The following FBXL13 variants were observed in gnomAD, a reference collection of about 807,000 sequenced individuals.
The protein encoded by FBXL13 is F-box and leucine rich repeat protein 13, also known as F-box and leucine-rich repeat protein 13.
In FBXL13, 67 loss-of-function variants were observed where a neutral mutation model predicts 83.6. The observed-to-expected ratio is 0.80, with a 90% CI of 0.66 to 0.98. FBXL13 has a LOEUF of 0.98. FBXL13 is among the 50% of genes least tolerant of loss of function. The probability of loss-of-function intolerance (pLI) is 0.00; values close to 1 mark genes in which losing one functional copy is unlikely to be tolerated. For synonymous variants in FBXL13, 272 were observed against 299.5 expected (o/e 0.91, Z 0.95); for missense variants, 822 against 866.5 (o/e 0.95, Z 0.64).
At chr7:102,878,580 T>C in intron 14 of FBXL13, 130 bp from the exon 16 acceptor site, 1 of 516,788 alleles carries the variant, frequency 1.9e-6, no homozygotes. Flanking sequence ...TGGTATTTTG[T>C]CAATATTTTA....
intron 19 of FBXL13, among the ~76,000 whole-genome samples, chr7:102,819,143 G>A (rs1798440868): frequency 1.3e-5 from 2 of 152,096 alleles, no homozygotes; most frequent in South Asian, 4.2e-4. Flanking sequence ...CCTGGGTTGT[G>A]GGGGCCATTG....
intron 11 of FBXL13, among the ~76,000 whole-genome samples, chr7:102,905,926 G>A (rs749186152): frequency 6.6e-6 from 1 of 152,094 alleles, no homozygotes; most frequent in Non-Finnish European, 1.5e-5. Context: ...GTATTAGTCC[G>A]TTTTCATGCT....
At chr7:102,852,538 CA>C (rs1195979637) in intron 17 of FBXL13, among the ~76,000 whole-genome samples, 2 of 151,982 alleles carry the variant, frequency 1.3e-5, no homozygotes, top group Admixed American at 1.3e-4. Context: ...CATGAACAGA[CA>C]ATTCTCAAAA....
At position 102,950,202 on chromosome 7, in the gene FBXL13, G is replaced by C. The variant is rs1279688949; in HGVS notation, c.724+13331C>G. Among the ~76,000 whole-genome samples, 6 of 152,144 alleles carry C rather than the reference G, an allele frequency of 3.9e-5. No individual in the cohort carries two copies. In the East Asian group the frequency reaches 1.2e-3, roughly 29 times the overall value. On this transcript the variant is annotated intron_variant, in intron 8 of 19. Transcript: ENST00000313221. Reference sequence around the variant, plus strand: ...TAACAGACACCTCACCAGAAAGATAGAAGCATATGAGAAGATGTTCCATAA... The same window carrying C: ...TAACAGACACCTCACCAGAAAGATACAAGCATATGAGAAGATGTTCCATAA...
intron 8 of FBXL13, chr7:102,934,676 A>T (rs1179278272): frequency 1.3e-6 from 2 of 1,585,556 alleles, no homozygotes; most frequent in Non-Finnish European, 1.7e-6. Flanking sequence ...ACTGGACTGC[A>T]AAAGGAAAGG....
At chr7:102,913,057 C>T (rs369116921) in intron 11 of FBXL13, 29 bp downstream of exon 12, 9 of 1,613,814 alleles carry the variant, frequency 5.6e-6, no homozygotes, top group South Asian at 2.2e-5. Context: ...CCTCACACAC[C>T]GCAGCAAAGA....
At chr7:102,933,920 G>C in intron 8 of FBXL13, 1 of 1,601,932 alleles carries the variant, frequency 6.2e-7, no homozygotes, top group South Asian at 1.1e-5. Flanking sequence ...CAGGATGCGT[G>C]TGGTTACCAT....
intron 11 of FBXL13, among the ~76,000 whole-genome samples, chr7:102,894,478 C>A (rs777645332): frequency 6.6e-6 from 1 of 151,936 alleles, no homozygotes; most frequent in Non-Finnish European, 1.5e-5. Context: ...AATCCTGGCA[C>A]TTTGGGAGGC....
rs150573844 is a variant in FBXL13, at chr7:103,049,294, T to C, written c.-1+6350A>G. Among the ~76,000 whole-genome samples the C allele has an allele frequency of 4.7e-3, 710 of 152,338 alleles. 6 individuals carry two copies. The highest frequency in any genetic ancestry group is 0.016 in the African/African-American group (679 of 41,580). On this transcript the variant is annotated intron_variant, in intron 2 of 19. Coordinates refer to ENST00000313221, the Ensembl canonical transcript of FBXL13. ...TCAAAGCAGTTTATGGCCTTAAACA[T>C]ATTAAGCAAACCTAATATCTGACCT...
chr7:102,900,471 G>C (rs1427207902), intron 11 of FBXL13, among the ~76,000 whole-genome samples: 1 of 152,078 alleles, frequency 6.6e-6, no homozygotes, highest in African/African-American at 2.4e-5. Context: ...TTTATAAAAA[G>C]AAAATAGATT....
intron 6 of FBXL13, among the ~76,000 whole-genome samples, chr7:102,974,811 C>T (rs1330445782): frequency 5.3e-5 from 8 of 152,112 alleles, no homozygotes; most frequent in Non-Finnish European, 8.8e-5. Flanking sequence ...TTTATCTTCT[C>T]AGCTGCGATC....
At chr7:102,837,794 T>C (rs1213954135) in intron 17 of FBXL13, among the ~76,000 whole-genome samples, 2 of 152,224 alleles carry the variant, frequency 1.3e-5, no homozygotes. Context: ...CCTTCCTCCT[T>C]GGCTTCCCAA....
intron 8 of FBXL13, among the ~76,000 whole-genome samples, chr7:102,956,947 T>C (rs550516096): frequency 3.9e-5 from 6 of 152,218 alleles, no homozygotes; most frequent in African/African-American, 1.4e-4. Context: ...ATCATGAAAA[T>C]GGCCATACTG....
chr7:102,885,452 T>C (rs912186198), intron 11 of FBXL13, among the ~76,000 whole-genome samples: 15 of 152,208 alleles, frequency 9.9e-5, no homozygotes, highest in Non-Finnish European at 2.2e-4. Flanking sequence ...TTGCCTTTTT[T>C]TTTTTAGTTG....
chr7:103,011,126 A>T (rs931969570), intron 6 of FBXL13, among the ~76,000 whole-genome samples: 3 of 152,246 alleles, frequency 2.0e-5, no homozygotes, highest in African/African-American at 7.2e-5. Flanking sequence ...TGGCAATTCA[A>T]AAAGCCAGAG....
exon 13 of FBXL13, chr7:102,883,623 G>A (rs765950507): frequency 1.2e-5 from 19 of 1,612,290 alleles, no homozygotes; most frequent in South Asian, 5.5e-5. Flanking sequence ...AAGTACAATC[G>A]GAGATATGCG....
chr7:103,074,150 T>C, intron 1 of FBXL13: 1 of 810,634 alleles, frequency 1.2e-6, no homozygotes, highest in Non-Finnish European at 1.5e-6. Context: ...CACAAAGGGC[T>C]GACTACACTG....
intron 10 of FBXL13, among the ~76,000 whole-genome samples, chr7:102,924,935 A>T (rs1195603332): frequency 1.3e-5 from 2 of 152,046 alleles, no homozygotes; most frequent in African/African-American, 2.4e-5. Context: ...GGCCTGTGTA[A>T]GCTTTTCTAA....
intron 18 of FBXL13, 29 bp from the exon 20 acceptor site, chr7:102,822,232 T>C (rs1470822204): frequency 6.2e-7 from 1 of 1,607,984 alleles, no homozygotes; most frequent in Non-Finnish European, 8.5e-7. Flanking sequence ...TAAGTACTGG[T>C]TATTCAAACA....
Sources: gnomAD v4.1 joint callset for allele counts (sites outside exome capture counted in the v4.1 genomes callset) on GRCh38, gnomAD v4.1.1 for gene constraint, MANE v1.5 for transcripts, NCBI Gene and HGNC (gene_info 2026-07-23, HGNC 2026-07-21) for gene names.